Variants in BAZ1A observed in about 807,000 individuals in gnomAD.
BAZ1A encodes bromodomain adjacent to zinc finger domain protein 1A.
A neutral mutation model predicts 185.2 loss-of-function variants in BAZ1A; 50 were observed. The ratio of observed to expected loss-of-function variants is 0.27; its 90% CI spans 0.22 to 0.34. The LOEUF is 0.34. Among genes scored for constraint, BAZ1A ranks in the 10% least tolerant of loss-of-function variants. BAZ1A has a pLI of 1.00. For missense variants in BAZ1A, 1,356 were observed against 1,839.9 expected (o/e 0.74, Z 4.81); for synonymous variants, 571 against 615.6 (o/e 0.93, Z 1.07).
intron 3 of BAZ1A, among the ~76,000 whole-genome samples, chr14:34,842,353 G>T (rs2042428839): frequency 6.6e-6 from 1 of 152,140 alleles, no homozygotes; most frequent in South Asian, 2.1e-4. Flanking sequence ...TCTTTCATCT[G>T]CTAGCAAAAT....
At position 34,838,527 on chromosome 14, in the gene BAZ1A, C is replaced by CTT. The variant is rs35699929; in HGVS notation, c.393-12373_393-12372dup. Among the ~76,000 whole-genome samples, 942 of 145,984 alleles carry CTT rather than the reference C, an allele frequency of 6.5e-3. 14 individuals carry two copies. Among genetic ancestry groups the CTT allele is most frequent in the African/African-American group, 0.021 (838 of 39,726 alleles). The stretch of plus-strand genomic sequence containing the variant: ...ATATCATGAGGGAAACTATTTTTTT[C>CTT]TTTTTTTTTTTGGAGACAGAGTCTC... On this transcript the variant is annotated intron_variant, in intron 3 of 26. Coordinates refer to ENST00000360310, the MANE Select transcript of BAZ1A (RefSeq NM_013448.3).
intron 9 of BAZ1A, among the ~76,000 whole-genome samples, chr14:34,798,527 G>A (rs1881330890): frequency 6.6e-6 from 1 of 152,212 alleles, no homozygotes; most frequent in East Asian, 1.9e-4. Flanking sequence ...TTGCTGTTCT[G>A]CAGGCTCCAC....
chr14:34,774,369 A>G lies in BAZ1A; in HGVS notation c.2955T>C (p.Asp985=), dbSNP rs1440968334. 1 of 1,613,516 alleles carries G rather than the reference A, an allele frequency of 6.2e-7. No individual in the cohort carries two copies. Among genetic ancestry groups the G allele is most frequent in the Non-Finnish European group, 8.5e-7 (1 of 1,179,864 alleles). ...TTCCTTGGTAGATTCTATCTTCAAT[A>G]TCTAAAAGAAAATCTCTCAGCCTTA... is the stretch of plus-strand genomic sequence containing the variant. The part of the protein sequence containing the change: ...LELRLRDFLL[D]IEDRIYQGTL... Residue 985 remains aspartate, a synonymous_variant, in exon 19 of 27, where the codon GAT becomes GAC. Transcript: ENST00000360310.
chr14:34,871,762 A>G (rs1446646628), intron 2 of BAZ1A, among the ~76,000 whole-genome samples: 1 of 152,146 alleles, frequency 6.6e-6, no homozygotes, highest in Non-Finnish European at 1.5e-5. Context: ...AATTCCAGCT[A>G]CTCGGGAGGC....
chr14:34,839,839 CA>C (rs60954768), intron 3 of BAZ1A, among the ~76,000 whole-genome samples: 17,094 of 106,704 alleles, frequency 0.16, 1,036 homozygotes, highest in Admixed American at 0.29. Flanking sequence ...GCCTCTGTTT[CA>C]AAAAAAAAAA....
chr14:34,854,325 G>A (rs1355979813), intron 3 of BAZ1A, among the ~76,000 whole-genome samples: 2 of 152,246 alleles, frequency 1.3e-5, no homozygotes, highest in South Asian at 2.1e-4. Flanking sequence ...AGGAGGCTAA[G>A]GCATGAAATT....
chr14:34,862,922 C>T (rs1053763082), intron 2 of BAZ1A, among the ~76,000 whole-genome samples: 11 of 151,172 alleles, frequency 7.3e-5, no homozygotes, highest in African/African-American at 2.7e-4. Context: ...ATTCAGTGCT[C>T]TTCTATTCTG....
At chr14:34,835,143 C>A (rs1367353853) in intron 3 of BAZ1A, among the ~76,000 whole-genome samples, 4 of 151,840 alleles carry the variant, frequency 2.6e-5, no homozygotes, top group Non-Finnish European at 5.9e-5. Flanking sequence ...CTCACTGCAA[C>A]CCCTGCCTCC....
At chr14:34,817,375 G>A (rs1472197586) in intron 4 of BAZ1A, among the ~76,000 whole-genome samples, 1 of 152,140 alleles carries the variant, frequency 6.6e-6, no homozygotes, top group African/African-American at 2.4e-5. Flanking sequence ...ATTACTTGAG[G>A]CCAAGAGTTT....
At chr14:34,754,529 T>C (rs1045967686) in intron 26 of BAZ1A, among the ~76,000 whole-genome samples, 10 of 152,194 alleles carry the variant, frequency 6.6e-5, no homozygotes, top group African/African-American at 2.4e-4. Context: ...AATTGTTTTA[T>C]TGAAACTATC....
chr14:34,792,250 G>A (rs1353279371), intron 12 of BAZ1A, among the ~76,000 whole-genome samples: 1 of 152,088 alleles, frequency 6.6e-6, no homozygotes, highest in Non-Finnish European at 1.5e-5. Flanking sequence ...GCTGGGCATG[G>A]TGGCGGGCGT....
chr14:34,846,640 T>TA (rs1206744909), intron 3 of BAZ1A, among the ~76,000 whole-genome samples: 1 of 152,152 alleles, frequency 6.6e-6, no homozygotes, highest in Non-Finnish European at 1.5e-5. Context: ...TTTTAGCGTA[T>TA]AAAAAAAGGG....
chr14:34,763,424 A>G (rs867679472), intron 23 of BAZ1A, among the ~76,000 whole-genome samples: 1 of 150,392 alleles, frequency 6.6e-6, no homozygotes, highest in South Asian at 2.1e-4. Context: ...AAATGTTTAA[A>G]AAAAAAAAAA....
intron 2 of BAZ1A, among the ~76,000 whole-genome samples, chr14:34,873,802 T>G (rs1045593029): frequency 6.6e-6 from 1 of 151,792 alleles, no homozygotes; most frequent in Non-Finnish European, 1.5e-5. Flanking sequence ...GAAGAGGCGG[T>G]GACAGAGAGC....
chr14:34,843,101 A>C (rs548092502), intron 3 of BAZ1A, among the ~76,000 whole-genome samples: 6 of 150,702 alleles, frequency 4.0e-5, no homozygotes, highest in Non-Finnish European at 8.9e-5. Flanking sequence ...CTATAATGTA[A>C]GAAAACTAGG....
chr14:34,760,029 CAGACCTAAGAAAGG>C (rs1411544441), intron 24 of BAZ1A, among the ~76,000 whole-genome samples: 1 of 152,116 alleles, frequency 6.6e-6, no homozygotes, highest in Non-Finnish European at 1.5e-5. Flanking sequence ...TGCTTCCTCA[CAGACCTAAGAAAGG>C]TATAGTATAA....
intron 16 of BAZ1A, among the ~76,000 whole-genome samples, chr14:34,780,765 T>C (rs1399910593): frequency 6.6e-6 from 1 of 152,204 alleles, no homozygotes; most frequent in African/African-American, 2.4e-5. Flanking sequence ...GAGATTAGGC[T>C]GGGCCTTGTA....
At chr14:34,754,794 A>C in intron 26 of BAZ1A, 33 bp downstream of exon 26, 1 of 1,460,112 alleles carries the variant, frequency 6.8e-7, no homozygotes, top group Non-Finnish European at 9.4e-7. Flanking sequence ...GCCTTAGAAA[A>C]ATAAATATCA....
chr14:34,840,625 G>C (rs1363902381), intron 3 of BAZ1A, among the ~76,000 whole-genome samples: 1 of 151,980 alleles, frequency 6.6e-6, no homozygotes, highest in Non-Finnish European at 1.5e-5. Context: ...CTGGCATGGT[G>C]GTGGGCCCCT....
Sources: allele counts gnomAD v4.1 joint callset (sites outside exome capture counted in the v4.1 genomes callset), GRCh38; gene constraint gnomAD v4.1.1; transcripts MANE v1.5; gene names NCBI Gene and HGNC (gene_info 2026-07-23, HGNC 2026-07-21).